KDM5C: variants seen among roughly 807,000 people sequenced by gnomAD.
KDM5C encodes the protein lysine demethylase 5C.
Under a neutral mutation model 110.6 loss-of-function variants are expected in KDM5C, and 16 were observed. The observed-to-expected ratio is 0.14, with a 90% CI of 0.10 to 0.22. KDM5C has a LOEUF of 0.22. Ranked by LOEUF, KDM5C falls within the 10% of genes least tolerant of loss-of-function variation. The pLI, the probability that KDM5C is intolerant of heterozygous loss-of-function variation, is 1.00. For missense variants in KDM5C, 681 were observed against 1,300.9 expected, an observed-to-expected ratio of 0.52 and a Z score of 7.33; for synonymous variants, 511 against 520.4, an observed-to-expected ratio of 0.98 and a Z score of 0.24.
intron 1 of KDM5C, among the ~76,000 whole-genome samples, chrX:53,222,596 G>A (rs1556855223): frequency 8.9e-6 from 1 of 111,768 alleles, no homozygotes; most frequent in Non-Finnish European, 1.9e-5. Context: ...TGCTACGGCA[G>A]GAGCCATGGA....
chrX:53,182,658 C>A (rs997005456), intron 25 of KDM5C, among the ~76,000 whole-genome samples: 1 of 113,227 alleles, frequency 8.8e-6, no homozygotes, highest in Non-Finnish European at 1.9e-5. Flanking sequence ...TGAGCCACTG[C>A]GCCTGGCCTC....
intron 19 of KDM5C, 132 bp downstream of exon 19, chrX:53,196,554 A>G (rs1191984271): frequency 3.6e-6 from 2 of 555,204 alleles, no homozygotes; most frequent in Non-Finnish European, 6.1e-6. Flanking sequence ...ATAGACAACA[A>G]AAGAGGGGAG....
rs1556848197 is a variant in KDM5C, at chrX:53,210,471, G to A, written c.1689C>T (p.Leu563=). 8.2e-6 allele frequency: 10 copies of A among 1,212,189 alleles called. No individual in the cohort carries two copies. The highest frequency in any genetic ancestry group is 1.1e-5 in the Non-Finnish European group (10 of 895,605). Residue 563 remains leucine (L), a synonymous_variant, in exon 12 of 26, where the codon CTC becomes CTT. Coordinates refer to ENST00000375401, the MANE Select transcript of KDM5C (RefSeq NM_004187.5). The stretch of plus-strand genomic sequence containing the variant: ...TCATGAGGGTGACAAGTTGGTGCAG[G>A]AGGTCAGGCTGGCTATCAAATAGTT... The part of the protein sequence containing the change: ...TPELFDSQPD[L]LHQLVTLMNP...
At chrX:53,197,336 G>A (rs1449522103) in intron 18 of KDM5C, among the ~76,000 whole-genome samples, 2 of 111,181 alleles carry the variant, frequency 1.8e-5, no homozygotes, top group Non-Finnish European at 3.8e-5. Flanking sequence ...ACTTTTCAGA[G>A]GGCTCTGTTC....
downstream of KDM5C, chrX:53,191,618 A>G (rs1379140210): frequency 1.2e-5 from 2 of 173,396 alleles, no homozygotes; most frequent in African/African-American, 3.0e-5. Flanking sequence ...CATCAGGGGC[A>G]TAACCTGTGG....
At chrX:53,212,275 A>C (rs1602215987) in intron 8 of KDM5C, 2 of 179,735 alleles carry the variant, frequency 1.1e-5, no homozygotes, top group Non-Finnish European at 2.1e-5. Flanking sequence ...TTCTTCTGCC[A>C]CCATTTTTCC....
At chrX:53,211,409 C>G in intron 10 of KDM5C, 88 bp downstream of exon 10, 1 of 953,668 alleles carries the variant, frequency 1.0e-6, no homozygotes, top group Non-Finnish European at 1.5e-6. Context: ...TAATTATCCT[C>G]ATCTTACAGA....
At position 53,195,936 on chromosome X, in the gene KDM5C, C is replaced by T; in HGVS notation, c.3100G>A (p.Ala1034Thr). 8.3e-7 allele frequency: 1 copy of T among 1,207,761 alleles called. No individual in the cohort carries two copies. ...EALAKARAWI[A>T]DVDEIQNGDH... ...CTCACTTGGATCTCATCAACATCAG[C>T]AATCCAGGCCCGGGCCTTAGCAAGA... is the stretch of plus-strand genomic sequence containing the variant. The change falls in exon 20 of 26, where the codon GCT (alanine) becomes ACT (threonine). Residue 1034 changes from alanine to threonine, a missense_variant. Ala to Thr is a moderately conservative substitution (Grantham distance 58). Transcript: ENST00000375401.
In KDM5C at chrX:53,202,078, C is replaced by T. The variant is rs1284856801; in HGVS notation, c.1747-105G>A. The T allele has an allele frequency of 1.0e-5, 10 of 964,856 alleles. No homozygotes were observed. The African/African-American group carries it at 1.3e-4, about 13-fold the overall frequency. The allele number at this position is 964,856 out of a possible 1,213,427, so 79.5% of individuals were successfully genotyped here. Reference sequence around the variant, plus strand: ...GGAGACAAAGAAAAGCCTCAGGGAACACAGTCTGACAACAGAATCCCAGAC... The same window carrying T: ...GGAGACAAAGAAAAGCCTCAGGGAATACAGTCTGACAACAGAATCCCAGAC... On this transcript the variant is annotated intron_variant, in intron 12 of 25. Transcript: ENST00000375401.
chrX:53,206,863 CAAAAAAAAAAAAAAAA>C (rs58880985), intron 12 of KDM5C, among the ~76,000 whole-genome samples: 3 of 22,344 alleles, frequency 1.3e-4, no homozygotes, highest in African/African-American at 7.0e-4. Flanking sequence ...GATTCCTTCT[CAAAAAAAAAAAAAAAA>C]AAAAAAAAAA....
chrX:53,212,306 CT>C (rs1188707416), intron 8 of KDM5C: 9,267 of 127,749 alleles, frequency 0.073, 61 homozygotes, highest in Middle Eastern at 0.1. Context: ...AAATGTGATT[CT>C]TTTTTTTTTT....
intron 12 of KDM5C, among the ~76,000 whole-genome samples, chrX:53,209,718 T>C (rs992968470): frequency 8.9e-6 from 1 of 111,952 alleles, no homozygotes; most frequent in African/African-American, 3.3e-5. Flanking sequence ...ACCAGAAAAC[T>C]GGCTGATGCT....
chrX:53,204,791 C>G (rs781836990), intron 12 of KDM5C, among the ~76,000 whole-genome samples: 1 of 112,028 alleles, frequency 8.9e-6, no homozygotes, highest in Non-Finnish European at 1.9e-5. Flanking sequence ...CCACTGCACC[C>G]GGCCCTCACA....
Position 53,211,771 on chromosome X carries a change from G to A in KDM5C, c.1242+16C>T. 1.7e-6 allele frequency: 2 copies of A among 1,211,052 alleles called. No individual in the cohort carries two copies. Among genetic ancestry groups the A allele is most frequent in the Non-Finnish European group, 1.1e-6 (1 of 894,915 alleles). On this transcript the variant is annotated intron_variant, in intron 9 of 25. Transcript: ENST00000375401. ...ATGATCCTAGCCCAACACTACCTCA[G>A]CCCTCCATCACCTACATGCACGGGC...
intron 7 of KDM5C, 86 bp from the exon 8 acceptor site, chrX:53,214,933 C>A: frequency 9.7e-7 from 1 of 1,034,580 alleles, no homozygotes; most frequent in South Asian, 2.0e-5. Context: ...ATAGGCTAGT[C>A]ATGCTAGGTC....
intron 2 of KDM5C, among the ~76,000 whole-genome samples, chrX:53,219,426 A>C (rs2073839292): frequency 8.9e-6 from 1 of 112,407 alleles, no homozygotes; most frequent in Admixed American, 9.4e-5. Flanking sequence ...GAGATGGTAT[A>C]TCAGAGTAGC....
chrX:53,198,999 A>G lies in KDM5C; in HGVS notation c.2221T>C (p.Ser741Pro). The change falls in exon 15 of 26, where the codon TCC becomes CCC. Residue 741 changes from serine (S) to proline (P), a missense_variant. Transcript: ENST00000375401. ...LSHINDLCKC[S>P]SSRQYLRYRY... is the part of the protein sequence containing the mutation. ...CACCGCAGGTACTGCCGGCTACTGG[A>G]GCACTTGCAGAGATCATTGATGTGG... 1 of 1,211,945 alleles carries G rather than the reference A, an allele frequency of 8.3e-7. No homozygotes were observed. Among genetic ancestry groups the G allele is most frequent in the Non-Finnish European group, 1.1e-6 (1 of 895,552 alleles).
At chrX:53,218,073 C>CAGTGAAGTGAGGG in intron 3 of KDM5C, 107 bp from the exon 4 acceptor site, 1 of 927,363 alleles carries the variant, frequency 1.1e-6, no homozygotes, top group Non-Finnish European at 1.5e-6. Flanking sequence ...TCTAGTCCCT[C>CAGTGAAGTGAGGG]ACTTCACTGG....
At chrX:53,220,726 G>C in intron 2 of KDM5C, 113 bp downstream of exon 2, 1 of 618,201 alleles carries the variant, frequency 1.6e-6, no homozygotes, top group Non-Finnish European at 2.7e-6. Context: ...ACAGAAGAGA[G>C]AATAAAGGCC....
Sources: gnomAD v4.1 joint callset for allele counts (sites outside exome capture counted in the v4.1 genomes callset) on GRCh38, gnomAD v4.1.1 for gene constraint, MANE v1.5 for transcripts, NCBI Gene and HGNC (gene_info 2026-07-23, HGNC 2026-07-21) for gene names.